NSD3: variants seen among roughly 807,000 people sequenced by gnomAD.
The protein encoded by NSD3 is histone-lysine N-methyltransferase NSD3.
A neutral mutation model predicts 160.8 loss-of-function variants in NSD3; 24 were observed. That is an observed-to-expected ratio of 0.15 (90% CI 0.11 to 0.21). The LOEUF is 0.21. Among genes scored for constraint, NSD3 ranks in the 10% least tolerant of loss-of-function variants. The pLI, the probability that NSD3 is intolerant of heterozygous loss-of-function variation, is 1.00. For synonymous variants in NSD3, 520 were observed against 600.0 expected (o/e 0.87, Z 1.95); for missense variants, 1,157 against 1,735.9 (o/e 0.67, Z 5.93).
chr8:38,296,674 CTGTGTGTGTGTGTGTGTGTGTG>C (rs57485296), intron 15 of NSD3, among the ~76,000 whole-genome samples: 1 of 142,186 alleles, frequency 7.0e-6, no homozygotes, highest in Non-Finnish European at 1.5e-5. Context: ...CTCTCTCCCT[CTGTGTGTGTGTGTGTGTGTGTG>C]TGTGTGTGTG....
intron 1 of NSD3, among the ~76,000 whole-genome samples, chr8:38,349,507 T>C (rs1467292777): frequency 6.6e-6 from 1 of 151,692 alleles, no homozygotes; most frequent in Non-Finnish European, 1.5e-5. Flanking sequence ...AAACTCTGTT[T>C]TTGTGCACAT....
At chr8:38,333,393 A>G (rs78478717) in intron 4 of NSD3, among the ~76,000 whole-genome samples, 1,601 of 152,356 alleles carry the variant, frequency 0.011, 36 homozygotes, top group African/African-American at 0.036. Context: ...AAAAGTCAAG[A>G]AACAAGCACA....
At position 38,275,768 on chromosome 8, in the gene NSD3, G is replaced by A. The variant is rs1287986824; in HGVS notation, c.4187C>T (p.Pro1396Leu). Residue 1396 changes from proline to leucine, a missense_variant, in exon 24 of 24, where the codon CCC becomes CTC. Coordinates refer to ENST00000317025, the MANE Select transcript of NSD3 (RefSeq NM_023034.2). ...CKDHEKGALVPSALEGRLCCS... is the reference protein window; with the variant it reads ...CKDHEKGALVLSALEGRLCCS... The stretch of plus-strand genomic sequence containing the variant: ...GCAGAGGCGGCCTTCCAGTGCAGAG[G>A]GAACCAGGGCCCCCTTTTCATGATC... 6.2e-7 allele frequency: 1 copy of A among 1,614,156 alleles called. No individual in the cohort carries two copies. The highest frequency in any genetic ancestry group is 8.5e-7 in the Non-Finnish European group (1 of 1,180,032).
In NSD3 at chr8:38,270,099, C is replaced by T. The variant is rs1022714934; in HGVS notation, c.*5542G>A. 1.3e-5 allele frequency: 2 copies of T among 152,038 alleles called. No homozygotes were observed. The highest frequency in any genetic ancestry group is 4.8e-5 in the African/African-American group (2 of 41,354). The allele number at this position is 152,038 out of a possible 1,614,324, so 9.4% of individuals were successfully genotyped here. A position where few individuals can be genotyped will look rare whatever the true frequency, so the allele number is the denominator to read the frequency against. Reference sequence around the variant, plus strand: ...ACATCAAGTCATTATACAGTAATGCCCTAGTGGAACACCCCCAGGGAAAAT... The same window carrying T: ...ACATCAAGTCATTATACAGTAATGCTCTAGTGGAACACCCCCAGGGAAAAT... On this transcript the variant is annotated 3_prime_UTR_variant, in exon 24 of 24. Coordinates refer to ENST00000317025, the MANE Select transcript of NSD3 (RefSeq NM_023034.2).
At chr8:38,347,203 T>A (rs1229305564) in intron 2 of NSD3, among the ~76,000 whole-genome samples, 1 of 152,226 alleles carries the variant, frequency 6.6e-6, no homozygotes, top group Non-Finnish European at 1.5e-5. Flanking sequence ...CTCTTGATTT[T>A]CAAAAACCAA....
intron 1 of NSD3, among the ~76,000 whole-genome samples, chr8:38,361,435 T>G (rs1347452737): frequency 6.6e-6 from 1 of 152,036 alleles, no homozygotes; most frequent in African/African-American, 2.4e-5. Context: ...AAATAAATTA[T>G]GTTTGATACT....
At chr8:38,287,470 A>G (rs919355224) in intron 19 of NSD3, among the ~76,000 whole-genome samples, 4 of 152,200 alleles carry the variant, frequency 2.6e-5, no homozygotes, top group African/African-American at 4.8e-5. Flanking sequence ...TTATAACTAT[A>G]TAGAAAACGT....
chr8:38,370,923 G>A lies in NSD3; in HGVS notation c.-45+10876C>T, dbSNP rs375020428. Among the ~76,000 whole-genome samples the A allele has an allele frequency of 1.2e-4, 18 of 152,022 alleles. No individual in the cohort carries two copies. The South Asian group carries it at 3.7e-3, about 32-fold the overall frequency. On this transcript the variant is annotated intron_variant, in intron 1 of 23. Transcript: ENST00000317025. Reference sequence around the variant, plus strand: ...GTAATTCTACTTCTAGGAATTTATTGTAATGAAATAATCAGCCATATAATT... The same window carrying A: ...GTAATTCTACTTCTAGGAATTTATTATAATGAAATAATCAGCCATATAATT...
At chr8:38,314,064 G>A (rs1166866480) in intron 12 of NSD3, among the ~76,000 whole-genome samples, 2 of 152,062 alleles carry the variant, frequency 1.3e-5, no homozygotes, top group Non-Finnish European at 2.9e-5. Flanking sequence ...TTTTTAATTT[G>A]CCATGTTGTG....
chr8:38,349,180 A>C (rs1488508363), intron 1 of NSD3, among the ~76,000 whole-genome samples: 1 of 152,228 alleles, frequency 6.6e-6, no homozygotes, highest in Non-Finnish European at 1.5e-5. Flanking sequence ...CAGCATGTAT[A>C]GACAATTTTC....
Position 38,321,850 on chromosome 8 carries a change from A to C in NSD3, c.1709-678T>G, listed in dbSNP as rs1321498685. 6.6e-6 allele frequency among the ~76,000 whole-genome samples: 1 copy of C among 152,256 alleles called. No homozygotes were observed. Among genetic ancestry groups the C allele is most frequent in the Non-Finnish European group, 1.5e-5 (1 of 68,038 alleles). Reference sequence around the variant, plus strand: ...ATGTTAAATGGTAAAACAAACTATTAAGATTTTTAAAGAGTACAATTCTTT... The same window carrying C: ...ATGTTAAATGGTAAAACAAACTATTCAGATTTTTAAAGAGTACAATTCTTT... On this transcript the variant is annotated intron_variant, in intron 7 of 23. Transcript: ENST00000317025. This position sits in a 1 kb window ranked among gnomAD's most constrained non-coding sequence, Gnocchi z 4.7.
chr8:38,287,936 G>A (rs1808904425), intron 19 of NSD3, among the ~76,000 whole-genome samples: 1 of 152,086 alleles, frequency 6.6e-6, no homozygotes. Flanking sequence ...GTAGAAAAAT[G>A]TCAAGAGTAA....
chr8:38,373,539 T>G lies in NSD3; in HGVS notation c.-45+8260A>C, dbSNP rs184717510. Among the ~76,000 whole-genome samples the G allele has an allele frequency of 2.6e-5, 4 of 152,320 alleles. No homozygotes were observed. In the East Asian group the frequency reaches 7.7e-4, roughly 29 times the overall value. ...TTTTTACATATAGCTTTCTTAAGCC[T>G]CCACAGCTAAGAGAAATTAGATAAC... On this transcript the variant is annotated intron_variant, in intron 1 of 23. Transcript: ENST00000317025.
chr8:38,374,922 C>G (rs1811350998), intron 1 of NSD3, among the ~76,000 whole-genome samples: 1 of 151,950 alleles, frequency 6.6e-6, no homozygotes, highest in African/African-American at 2.4e-5. Flanking sequence ...GAGAATGGCG[C>G]GAACACGGGA....
intron 1 of NSD3, among the ~76,000 whole-genome samples, chr8:38,369,840 G>A (rs1811198332): frequency 6.6e-6 from 1 of 152,106 alleles, no homozygotes; most frequent in African/African-American, 2.4e-5. Flanking sequence ...TGTTGCCCAG[G>A]CTGGAGTGCA....
chr8:38,337,217 CGT>C, intron 4 of NSD3, 86 bp downstream of exon 4: 1 of 1,140,258 alleles, frequency 8.8e-7, no homozygotes, highest in South Asian at 2.3e-5. Context: ...TTATATATTA[CGT>C]GTGTATTCTT....
In NSD3 at chr8:38,292,715, G is replaced by A. The variant is rs549234428; in HGVS notation, c.2916-2038C>T. On this transcript the variant is annotated intron_variant, in intron 16 of 23. Coordinates refer to ENST00000317025, the MANE Select transcript of NSD3 (RefSeq NM_023034.2). ...GCGGCAGGAGAATGGCGTGAACCCG[G>A]GAGGCAGAGCTTGCAGTGAGCCAAG... Among the ~76,000 whole-genome samples the A allele has an allele frequency of 5.9e-5, 9 of 152,258 alleles. No individual in the cohort carries two copies. In the South Asian group the frequency reaches 1.9e-3, roughly 32 times the overall value.
At chr8:38,349,929 T>C (rs1810643064) in intron 1 of NSD3, among the ~76,000 whole-genome samples, 3 of 151,128 alleles carry the variant, frequency 2.0e-5, no homozygotes, top group Admixed American at 2.0e-4. Context: ...AGTGAGAACA[T>C]ACAGTGTTTG....
chr8:38,353,079 G>A (rs1249476152), intron 1 of NSD3, among the ~76,000 whole-genome samples: 2 of 152,108 alleles, frequency 1.3e-5, no homozygotes, highest in African/African-American at 4.8e-5. Context: ...ATTATACATA[G>A]GGAAATAGAG....
Sources: allele counts gnomAD v4.1 joint callset (sites outside exome capture counted in the v4.1 genomes callset), GRCh38; gene constraint gnomAD v4.1.1; non-coding constraint Gnocchi (gnomAD v3.1); transcripts MANE v1.5; gene names NCBI Gene and HGNC (gene_info 2026-07-23, HGNC 2026-07-21).